Variants in SUPT5H observed in about 807,000 individuals in gnomAD.
The protein encoded by SUPT5H is transcription elongation factor SPT5.
In SUPT5H, 24 loss-of-function variants were observed where a neutral mutation model predicts 142.5. The ratio of observed to expected loss-of-function variants is 0.17; its 90% confidence interval spans 0.12 to 0.24. The LOEUF (loss-of-function observed/expected upper bound fraction) is 0.24, where lower values mean the gene tolerates loss of function less well. SUPT5H is among the 10% of genes least tolerant of loss of function. SUPT5H has a pLI of 1.00. For synonymous variants in SUPT5H, 546 were observed against 553.0 expected (o/e 0.99, Z 0.18); for missense variants, 893 against 1,471.8 (o/e 0.61, Z 6.43).
chr19:39,466,363 TG>T lies in SUPT5H; in HGVS notation c.877-115del. On this transcript the variant is annotated intron_variant, in intron 11 of 29. Transcript: ENST00000432763. This position sits in a 1 kb window ranked among gnomAD's most constrained non-coding sequence, Gnocchi z 4.3. Reference sequence around the variant, plus strand: ...GGACTTTTGGGAGTGGTCAGCAGCCTGGTTTCTTCCCCACCATCCTGCGTCC... The same window carrying T: ...GGACTTTTGGGAGTGGTCAGCAGCCTGTTTCTTCCCCACCATCCTGCGTCC... 1.1e-6 allele frequency: 1 copy of T among 950,130 alleles called. No homozygotes were observed. The allele number at this position is 950,130 out of a possible 1,614,324, so 58.9% of individuals were successfully genotyped here. A position where few individuals can be genotyped will look rare whatever the true frequency, so the allele number is the denominator to read the frequency against.
intron 10 of SUPT5H, among the ~76,000 whole-genome samples, chr19:39,462,377 A>G (rs1372042974): frequency 6.6e-6 from 1 of 152,092 alleles, no homozygotes; most frequent in Non-Finnish European, 1.5e-5. Context: ...CCTGGTAACT[A>G]TGAATCTACC....
intron 4 of SUPT5H, 26 bp downstream of exon 4, chr19:39,457,766 GACT>G (rs1389602948): frequency 8.1e-6 from 13 of 1,613,890 alleles, no homozygotes; most frequent in Non-Finnish European, 1.1e-5. Flanking sequence ...GCCTCCACAA[GACT>G]ACTGGGAAGA....
rs777620632 is a variant in SUPT5H at position 39,469,256 on chromosome 19, C to A, written c.1238-6C>A. On this transcript the variant is annotated splice_polypyrimidine_tract_variant and splice_region_variant and intron_variant, in intron 15 of 29. Coordinates refer to ENST00000432763, the MANE Select transcript of SUPT5H (RefSeq NM_001111020.3). The surrounding 1 kb of genome is among the most constrained non-coding windows in gnomAD (Gnocchi z 5.1). ...CCCCGAGTCAGCCCTACGACTGCCC[C>A]TGCAGGGAAGGAGCGGGAGCACAAC... 2 of 1,614,230 alleles carry A rather than the reference C, an allele frequency of 1.2e-6. No homozygotes were observed. The highest frequency in any genetic ancestry group is 1.7e-6 in the Non-Finnish European group (2 of 1,180,034).
intron 3 of SUPT5H, among the ~76,000 whole-genome samples, chr19:39,456,420 T>G: frequency 6.8e-6 from 1 of 147,076 alleles, no homozygotes; most frequent in African/African-American, 2.5e-5. Context: ...GTTGTTGTTG[T>G]TGTTGTTGTT....
In SUPT5H at chr19:39,465,101, C is replaced by A; in HGVS notation, c.876+52C>A. 1.9e-6 allele frequency: 3 copies of A among 1,565,112 alleles called. No homozygotes were observed. The South Asian group carries it at 3.6e-5, about 19-fold the overall frequency. On this transcript the variant is annotated intron_variant, in intron 11 of 29. Transcript: ENST00000432763. ...TCAGGGTCCCTCCATTCTGTTCTCC[C>A]TTCCTTTCCTTTTGTCCTTCCCACC...
intron 10 of SUPT5H, among the ~76,000 whole-genome samples, chr19:39,464,126 G>A (rs559642407): frequency 1.3e-5 from 2 of 151,946 alleles, no homozygotes; most frequent in South Asian, 4.2e-4. Context: ...TGGGATGACA[G>A]GCATGTGCCA....
rs200291578 is a variant in SUPT5H, at chr19:39,473,200, C to T, written c.2259-3C>T. The T allele has an allele frequency of 1.1e-5, 17 of 1,611,990 alleles. No individual in the cohort carries two copies. The highest frequency in any genetic ancestry group is 1.7e-5 in the Admixed American group (1 of 59,996). ...TCACCCCATTTGTTCTCTGCGTCCCCAGGGGCTCACGGCGCCCGGGCGGCA... is the reference window on the plus strand; with the variant it reads ...TCACCCCATTTGTTCTCTGCGTCCCTAGGGGCTCACGGCGCCCGGGCGGCA... On this transcript the variant is annotated splice_polypyrimidine_tract_variant and splice_region_variant and intron_variant, in intron 23 of 29. Coordinates refer to ENST00000432763, the MANE Select transcript of SUPT5H (RefSeq NM_001111020.3). The surrounding 1 kb of genome is among the most constrained non-coding windows in gnomAD (Gnocchi z 5.8).
intron 10 of SUPT5H, among the ~76,000 whole-genome samples, chr19:39,463,627 A>G (rs1600713129): frequency 6.6e-6 from 1 of 152,326 alleles, no homozygotes; most frequent in African/African-American, 2.4e-5. Flanking sequence ...ATAAGTGGAA[A>G]GTGAAGACGA....
chr19:39,469,764 G>T lies in SUPT5H; in HGVS notation c.1375-355G>T. ...GTGTCTGGTGTATGTCTGAGGGGTT[G>T]TGCAGGCCCAGTGTGATGTGTGGGG... On this transcript the variant is annotated intron_variant, in intron 16 of 29. Transcript: ENST00000432763. This position sits in a 1 kb window ranked among gnomAD's most constrained non-coding sequence, Gnocchi z 5.1. 2.1e-6 allele frequency: 1 copy of T among 481,572 alleles called. No homozygotes were observed. Among genetic ancestry groups the T allele is most frequent in the Non-Finnish European group, 3.8e-6 (1 of 262,586 alleles). 29.8% of individuals were successfully genotyped at this position (481,572 alleles called of 1,614,324 possible).
At chr19:39,459,302 G>T in intron 8 of SUPT5H, 53 bp downstream of exon 8, 13 of 1,545,720 alleles carry the variant, frequency 8.4e-6, no homozygotes, top group Non-Finnish European at 1.1e-5. Flanking sequence ...CTTGTATGGG[G>T]TGATGGTGCC....
At chr19:39,467,021 A>G (rs1265469345) in intron 13 of SUPT5H, 3 of 374,996 alleles carry the variant, frequency 8.0e-6, no homozygotes, top group South Asian at 6.2e-5. Context: ...AGCCTGGGCA[A>G]CATAATGAGA....
chr19:39,453,014 A>C (rs78363079), intron 2 of SUPT5H, among the ~76,000 whole-genome samples: 8 of 25,696 alleles, frequency 3.1e-4, no homozygotes, highest in Non-Finnish European at 4.0e-4. Flanking sequence ...CTCTGTCTCA[A>C]AAAAAAAAAA....
Position 39,472,495 on chromosome 19 carries a change from TGA to T in SUPT5H, c.2035+6_2035+7del, listed in dbSNP as rs751731293. ...GCCCCATGCACCCCAGTGCTGGAGGTGAGAGGGGTTCAGGGTCAGGGGATGTG... is the reference window on the plus strand; with the variant it reads ...GCCCCATGCACCCCAGTGCTGGAGGTGAGGGGTTCAGGGTCAGGGGATGTG... On this transcript the variant is annotated splice_donor_region_variant and intron_variant, in intron 21 of 29. Coordinates refer to ENST00000432763, the MANE Select transcript of SUPT5H (RefSeq NM_001111020.3). This position sits in a 1 kb window ranked among gnomAD's most constrained non-coding sequence, Gnocchi z 4.2. The T allele has an allele frequency of 1.2e-5, 19 of 1,613,174 alleles. No homozygotes were observed. The highest frequency in any genetic ancestry group is 3.3e-5 in the Admixed American group (2 of 59,940).
Position 39,469,165 on chromosome 19 carries a change from G to C in SUPT5H, c.1230G>C (p.Glu410Asp). Residue 410 changes from glutamate (E) to aspartate (D), a missense_variant, in exon 15 of 30, where the codon GAG becomes GAC. Glu to Asp is a conservative substitution (Grantham distance 45). Transcript: ENST00000432763. The surrounding 1 kb of genome is among the most constrained non-coding windows in gnomAD (Gnocchi z 5.1). The stretch of plus-strand genomic sequence containing the variant: ...GCATTGACCTGGAGGTGGTGACTGA[G>C]AGCACAGGTATTTGATCCCCCTCTA... ...PEGIDLEVVT[E>D]STGKEREHNF... is the part of the protein sequence containing the mutation. 1 of 1,614,230 alleles carries C rather than the reference G, an allele frequency of 6.2e-7. No individual in the cohort carries two copies. The highest frequency in any genetic ancestry group is 8.5e-7 in the Non-Finnish European group (1 of 1,180,032).
chr19:39,455,261 G>GT (rs1418665159), intron 3 of SUPT5H, among the ~76,000 whole-genome samples: 1 of 152,014 alleles, frequency 6.6e-6, no homozygotes, highest in African/African-American at 2.4e-5. Context: ...AGAACGGTGT[G>GT]TTAAAAAAAT....
chr19:39,476,641 T>G lies in SUPT5H; in HGVS notation c.*242T>G. 1.8e-6 allele frequency: 1 copy of G among 544,470 alleles called. No individual in the cohort carries two copies. Among genetic ancestry groups the G allele is most frequent in the Non-Finnish European group, 3.3e-6 (1 of 305,800 alleles). 33.7% of individuals were successfully genotyped at this position (544,470 alleles called of 1,614,324 possible). ...ACAGCTTGCTTTTGTTGTACCGTCT[T>G]TCAATAAAAAGAAGCTGTTTGGTCT... On this transcript the variant is annotated 3_prime_UTR_variant, in exon 30 of 30. Coordinates refer to ENST00000432763, the MANE Select transcript of SUPT5H (RefSeq NM_001111020.3).
Position 39,464,848 on chromosome 19 carries a change from C to A in SUPT5H, c.675C>A (p.Ile225=). Residue 225 remains isoleucine (I), a synonymous_variant, in exon 11 of 30, where the codon ATC becomes ATA. Coordinates refer to ENST00000432763, the MANE Select transcript of SUPT5H (RefSeq NM_001111020.3). ...CACCAGAGCATGTGAAGGGCTACAT[C>A]TACGTGGAGGCCTACAAGCAGACCC... The part of the protein sequence containing the change: ...VVAPEHVKGY[I]YVEAYKQTHV... 1 of 1,614,182 alleles carries A rather than the reference C, an allele frequency of 6.2e-7. No homozygotes were observed. The highest frequency in any genetic ancestry group is 8.5e-7 in the Non-Finnish European group (1 of 1,180,002).
At chr19:39,457,834 C>T (rs1323330936) in intron 4 of SUPT5H, 94 bp downstream of exon 4, 1 of 1,566,206 alleles carries the variant, frequency 6.4e-7, no homozygotes, top group Non-Finnish European at 8.7e-7. Context: ...ATCCCCTGTA[C>T]ACCCCAACTC....
chr19:39,455,340 T>C (rs1168834976), intron 3 of SUPT5H, among the ~76,000 whole-genome samples: 2 of 151,998 alleles, frequency 1.3e-5, no homozygotes, highest in Non-Finnish European at 2.9e-5. Context: ...GGCGGGTGGA[T>C]CATCTGAGGT....
Sources: allele counts gnomAD v4.1 joint callset (sites outside exome capture counted in the v4.1 genomes callset), GRCh38; gene constraint gnomAD v4.1.1; non-coding constraint Gnocchi (gnomAD v3.1); transcripts MANE v1.5; gene names NCBI Gene and HGNC (gene_info 2026-07-23, HGNC 2026-07-21).